The following MFN1 variants were observed in gnomAD, a reference collection of about 807,000 sequenced individuals.
MFN1 encodes mitofusin-1.
Under a neutral mutation model 92.4 loss-of-function variants are expected in MFN1, and 65 were observed. The ratio of observed to expected loss-of-function variants is 0.70; its 90% confidence interval spans 0.58 to 0.86. The LOEUF (loss-of-function observed/expected upper bound fraction) is 0.86, where lower values mean the gene tolerates loss of function less well. Ranked by LOEUF, MFN1 falls within the 40% of genes least tolerant of loss-of-function variation. The pLI, the probability that MFN1 is intolerant of heterozygous loss-of-function variation, is 0.00. For missense variants in MFN1, 781 were observed against 868.0 expected (o/e 0.90, Z 1.26); for synonymous variants, 297 against 300.9 (o/e 0.99, Z 0.13).
intron 11 of MFN1, 86 bp from the exon 12 acceptor site, chr3:179,377,258 A>G (rs981683683): frequency 7.9e-6 from 12 of 1,522,200 alleles, no homozygotes; most frequent in Middle Eastern, 1.8e-4. Flanking sequence ...CTTTAAAAGA[A>G]TGTTTTCAGA....
At position 179,367,477 on chromosome 3, in the gene MFN1, G is replaced by C. The variant is rs779282057; in HGVS notation, c.792G>C (p.Leu264Phe). ...RQHMERCLHF[L>F]VEELKVVNAL... is the part of the protein sequence containing the mutation. ...ACATGGAAAGATGCCTGCATTTCTT[G>C]GTGGAGGAGCTCAAAGTTGTAAATG... Residue 264 changes from leucine to phenylalanine, a missense_variant, in exon 8 of 18, where the codon TTG (leucine) becomes TTC (phenylalanine). By Grantham distance (22) the Leu-to-Phe change is conservative (BLOSUM62 0). Transcript: ENST00000471841. 6.2e-7 allele frequency: 1 copy of C among 1,613,240 alleles called. No individual in the cohort carries two copies. Among genetic ancestry groups the C allele is most frequent in the East Asian group, 2.2e-5 (1 of 44,850 alleles).
intron 8 of MFN1, 43 bp from the exon 9 acceptor site, chr3:179,367,993 T>G (rs1382036014): frequency 7.5e-7 from 1 of 1,330,996 alleles, no homozygotes; most frequent in Non-Finnish European, 9.9e-7. Flanking sequence ...AAAACATATC[T>G]TGCTACATAC....
intron 9 of MFN1, 104 bp downstream of exon 9, chr3:179,368,207 G>A (rs1363016796): frequency 1.2e-6 from 1 of 869,398 alleles, no homozygotes; most frequent in African/African-American, 1.8e-5. Flanking sequence ...AACTTTTGCT[G>A]TTATTTAGTT....
chr3:179,351,811 C>CA, intron 2 of MFN1, 89 bp from the exon 3 acceptor site: 3 of 1,319,918 alleles, frequency 2.3e-6, no homozygotes, highest in Non-Finnish European at 3.1e-6. Context: ...TAACATAAAG[C>CA]AAAAATACAT....
chr3:179,372,775 C>T (rs1236615141), intron 9 of MFN1, among the ~76,000 whole-genome samples: 4 of 152,148 alleles, frequency 2.6e-5, no homozygotes, highest in Admixed American at 2.6e-4. Flanking sequence ...ATATCTAGAT[C>T]TGCTTCATCG....
In MFN1 at chr3:179,385,804, T is replaced by G. The variant is rs1211398776; in HGVS notation, c.1815+83T>G. ...AGCTCACAAAAGAAAAGGTATACAG[T>G]ATTTACTTCTATTTATAGGATCTGT... On this transcript the variant is annotated intron_variant, in intron 15 of 17. Transcript: ENST00000471841. 4 of 1,218,192 alleles carry G rather than the reference T, an allele frequency of 3.3e-6. No homozygotes were observed. In the African/African-American group the frequency reaches 6.2e-5, roughly 19 times the overall value. The allele number at this position is 1,218,192 out of a possible 1,614,324, so 75.5% of individuals were successfully genotyped here. A position where few individuals can be genotyped will look rare whatever the true frequency, so the allele number is the denominator to read the frequency against.
chr3:179,350,399 A>G (rs1179872570), intron 2 of MFN1, among the ~76,000 whole-genome samples: 1 of 152,200 alleles, frequency 6.6e-6, no homozygotes, highest in Non-Finnish European at 1.5e-5. Flanking sequence ...AGTAGTATAG[A>G]ATCTTTGTTT....
intron 6 of MFN1, among the ~76,000 whole-genome samples, chr3:179,364,867 T>TCTGGAGCC (rs1210480800): frequency 6.6e-6 from 1 of 152,234 alleles, no homozygotes; most frequent in Non-Finnish European, 1.5e-5. Context: ...TAGCCAGATG[T>TCTGGAGCC]CTGGAGCCAG....
chr3:179,388,723 G>A (rs1195334588), intron 16 of MFN1, among the ~76,000 whole-genome samples: 1 of 152,192 alleles, frequency 6.6e-6, no homozygotes, highest in Non-Finnish European at 1.5e-5. Flanking sequence ...TTTCCTAGGG[G>A]AGATGTGTAG....
chr3:179,348,446 T>C (rs544621185), intron 1 of MFN1, among the ~76,000 whole-genome samples: 1 of 152,350 alleles, frequency 6.6e-6, no homozygotes, highest in Admixed American at 6.5e-5. Context: ...ACTCTGCATA[T>C]CCACTCCTAC....
In MFN1 at chr3:179,389,891, C is replaced by G. The variant is rs1713835913; in HGVS notation, c.2013-113C>G. 5 of 936,430 alleles carry G rather than the reference C, an allele frequency of 5.3e-6. No homozygotes were observed. The African/African-American group carries it at 8.5e-5, about 16-fold the overall frequency. The allele number at this position is 936,430 out of a possible 1,614,324, so 58.0% of individuals were successfully genotyped here. On this transcript the variant is annotated intron_variant, in intron 16 of 17. Transcript: ENST00000471841. ...CTTATCATTCTTAGTGTTCTGATTC[C>G]CTATAGTTTAGAAGTTTTTTAAAAC...
intron 2 of MFN1, among the ~76,000 whole-genome samples, chr3:179,349,624 T>C (rs1365590829): frequency 6.6e-6 from 1 of 151,904 alleles, no homozygotes; most frequent in Non-Finnish European, 1.5e-5. Flanking sequence ...TTCTTCTGCC[T>C]CAGCCTCCCA....
At position 179,364,168 on chromosome 3, in the gene MFN1, A is replaced by T. The variant is rs139939660; in HGVS notation, c.537-129A>T. On this transcript the variant is annotated intron_variant, in intron 5 of 17. Transcript: ENST00000471841. Reference sequence around the variant, plus strand: ...AGATCACTAAGTTAAAATTTCCTAGACTTCTTACAGATGACAGCTGGAAAT... The same window carrying T: ...AGATCACTAAGTTAAAATTTCCTAGTCTTCTTACAGATGACAGCTGGAAAT... 30 of 572,062 alleles carry T rather than the reference A, an allele frequency of 5.2e-5. No homozygotes were observed. The African/African-American group carries it at 5.4e-4, about 10-fold the overall frequency. 35.4% of individuals were successfully genotyped at this position (572,062 alleles called of 1,614,324 possible).
At position 179,394,404 on chromosome 3, in the gene MFN1, CCAA is replaced by C. The variant is rs1714018790; in HGVS notation, c.*2347_*2349del. On this transcript the variant is annotated 3_prime_UTR_variant, in exon 18 of 18. Coordinates refer to ENST00000471841, the MANE Select transcript of MFN1 (RefSeq NM_033540.3). Reference sequence around the variant, plus strand: ...AAATGGAACAGTAAAATAACGAAAGCCAACTTTTTTTTTTTTTTTTTTTTTTTT... The same window carrying C: ...AAATGGAACAGTAAAATAACGAAAGCCTTTTTTTTTTTTTTTTTTTTTTTT... 1.4e-5 allele frequency: 2 copies of C among 143,224 alleles called. No homozygotes were observed. The highest frequency in any genetic ancestry group is 3.0e-5 in the Non-Finnish European group (2 of 66,598). 8.9% of individuals were successfully genotyped at this position (143,224 alleles called of 1,614,324 possible). A position where few individuals can be genotyped will look rare whatever the true frequency, so the allele number is the denominator to read the frequency against.
chr3:179,379,543 G>A (rs1713387548), intron 14 of MFN1, among the ~76,000 whole-genome samples: 1 of 151,984 alleles, frequency 6.6e-6, no homozygotes, highest in South Asian at 2.1e-4. Context: ...TAGTAGACAT[G>A]GGGTTTCACC....
chr3:179,353,594 C>T (rs1017470281), intron 3 of MFN1, among the ~76,000 whole-genome samples: 3 of 152,036 alleles, frequency 2.0e-5, no homozygotes, highest in Non-Finnish European at 4.4e-5. Flanking sequence ...TGATCAGGTA[C>T]GTCTTCCAAA....
At chr3:179,386,665 G>GT (rs1560201588) in intron 16 of MFN1, 36 bp downstream of exon 16, 2 of 1,553,630 alleles carry the variant, frequency 1.3e-6, no homozygotes, top group African/African-American at 2.8e-5. Context: ...TTAAAAAAAA[G>GT]TTACTGAAAT....
chr3:179,367,511 G>C lies in MFN1; in HGVS notation c.826G>C (p.Ala276Pro). 6.2e-7 allele frequency: 1 copy of C among 1,613,884 alleles called. No homozygotes were observed. Among genetic ancestry groups the C allele is most frequent in the Admixed American group, 1.7e-5 (1 of 59,996 alleles). The change falls in exon 8 of 18, where the codon GCA becomes CCA. Residue 276 changes from alanine (A) to proline (P), a missense_variant. By Grantham distance (27) the Ala-to-Pro change is conservative (BLOSUM62 -1). Coordinates refer to ENST00000471841, the MANE Select transcript of MFN1 (RefSeq NM_033540.3). ...EELKVVNALE[A>P]QNRIFFVSAK... ...GCTCAAAGTTGTAAATGCTTTAGAA[G>C]CACAGAATCGTATCTTCTTTGTTTC...
At chr3:179,375,124 T>G (rs1271626433) in intron 9 of MFN1, 96 bp from the exon 10 acceptor site, 1 of 1,293,832 alleles carries the variant, frequency 7.7e-7, no homozygotes, top group African/African-American at 1.5e-5. Context: ...TATTTCTGTT[T>G]GGGTTAAAGT....
Sources: allele counts gnomAD v4.1 joint callset (sites outside exome capture counted in the v4.1 genomes callset), GRCh38; gene constraint gnomAD v4.1.1; transcripts MANE v1.5; gene names NCBI Gene and HGNC (gene_info 2026-07-23, HGNC 2026-07-21).